Variants in RPS6KC1 observed in about 807,000 individuals in gnomAD.
The protein encoded by RPS6KC1 is inactive ribosomal protein S6 kinase delta-1.
In RPS6KC1, 54 loss-of-function variants were observed where a neutral mutation model predicts 103.8. That is an observed-to-expected ratio of 0.52 (90% CI 0.42 to 0.65). RPS6KC1 has a LOEUF of 0.65. Ranked by LOEUF, RPS6KC1 falls within the 30% of genes least tolerant of loss-of-function variation. The pLI, the probability that RPS6KC1 is intolerant of heterozygous loss-of-function variation, is 0.00. For synonymous variants in RPS6KC1, 439 were observed against 438.7 expected, an observed-to-expected ratio of 1.00 and a Z score of -0.01; for missense variants, 1,151 against 1,253.8, an observed-to-expected ratio of 0.92 and a Z score of 1.24.
chr1:213,255,811 G>C (rs1357655861), intron 12 of RPS6KC1, among the ~76,000 whole-genome samples: 14 of 152,164 alleles, frequency 9.2e-5, no homozygotes, highest in Admixed American at 7.9e-4. Context: ...TAATATTTAA[G>C]CTTCCTAGCT....
chr1:213,816,384 G>A, the RPS6KC1 span, among the ~76,000 whole-genome samples: 5,800 of 152,280 alleles, frequency 0.038, 134 homozygotes, highest in Non-Finnish European at 0.056. Context: ...CTGCTCTTCA[G>A]GGGCATGGAT....
the RPS6KC1 span, among the ~76,000 whole-genome samples, chr1:213,824,657 A>G: frequency 6.6e-6 from 1 of 152,086 alleles, no homozygotes; most frequent in South Asian, 2.1e-4. Flanking sequence ...AAGTCTCATG[A>G]GATCTGATGG....
chr1:213,360,871 C>T, the RPS6KC1 span, among the ~76,000 whole-genome samples: 23 of 152,190 alleles, frequency 1.5e-4, no homozygotes, highest in African/African-American at 3.1e-4. Context: ...TGCAGAACAG[C>T]GAATATTGCT....
At chr1:213,345,330 T>C in the RPS6KC1 span, among the ~76,000 whole-genome samples, 2 of 152,232 alleles carry the variant, frequency 1.3e-5, no homozygotes, top group East Asian at 3.8e-4. Flanking sequence ...ATAATAATCA[T>C]AGATATTTCA....
At chr1:213,489,567 C>T in the RPS6KC1 span, among the ~76,000 whole-genome samples, 1 of 152,138 alleles carries the variant, frequency 6.6e-6, no homozygotes, top group Admixed American at 6.5e-5. Flanking sequence ...ACACACCATC[C>T]TCACTTTGGA....
intron 1 of RPS6KC1, among the ~76,000 whole-genome samples, chr1:213,051,896 T>G (rs533885016): frequency 2.6e-5 from 4 of 152,232 alleles, no homozygotes; most frequent in African/African-American, 9.6e-5. Context: ...GTTTGGCTTA[T>G]GTAATATAAG....
chr1:213,340,480 G>A, the RPS6KC1 span, among the ~76,000 whole-genome samples: 23 of 152,268 alleles, frequency 1.5e-4, no homozygotes, highest in Non-Finnish European at 2.5e-4. Context: ...GCGTAAAGAT[G>A]CAATGTAATT....
the RPS6KC1 span, among the ~76,000 whole-genome samples, chr1:213,542,351 G>C: frequency 6.6e-6 from 1 of 152,316 alleles, no homozygotes; most frequent in African/African-American, 2.4e-5. Context: ...TACATGTCCT[G>C]CAGGGAGCAG....
chr1:213,117,942 A>C (rs1228921363), intron 5 of RPS6KC1, among the ~76,000 whole-genome samples: 2 of 144,638 alleles, frequency 1.4e-5, no homozygotes, highest in East Asian at 4.1e-4. Context: ...GAATCGCTTG[A>C]ACCTGGGAGG....
chr1:213,338,485 C>G, the RPS6KC1 span, among the ~76,000 whole-genome samples: 9 of 152,208 alleles, frequency 5.9e-5, no homozygotes, highest in Non-Finnish European at 1.2e-4. Context: ...ATGTATTAAA[C>G]TTCTGTTGGA....
At chr1:213,086,920 A>T (rs1174249869) in intron 3 of RPS6KC1, among the ~76,000 whole-genome samples, 1 of 152,150 alleles carries the variant, frequency 6.6e-6, no homozygotes, top group African/African-American at 2.4e-5. Flanking sequence ...GTTCAATTAT[A>T]TATTTAGTTC....
At chr1:213,489,407 G>A in the RPS6KC1 span, among the ~76,000 whole-genome samples, 1 of 152,162 alleles carries the variant, frequency 6.6e-6, no homozygotes, top group Non-Finnish European at 1.5e-5. Flanking sequence ...TAACGCTTAG[G>A]AATCATGCAA....
the RPS6KC1 span, among the ~76,000 whole-genome samples, chr1:213,765,646 G>A: frequency 6.6e-6 from 1 of 152,046 alleles, no homozygotes; most frequent in South Asian, 2.1e-4. Flanking sequence ...ATAAACGTCA[G>A]GCACATAAGG....
chr1:213,536,918 A>G, the RPS6KC1 span, among the ~76,000 whole-genome samples: 1 of 152,086 alleles, frequency 6.6e-6, no homozygotes, highest in South Asian at 2.1e-4. Flanking sequence ...CAGGAGAACC[A>G]CCTGATATAC....
At chr1:213,728,432 A>G in the RPS6KC1 span, among the ~76,000 whole-genome samples, 2 of 152,174 alleles carry the variant, frequency 1.3e-5, no homozygotes, top group African/African-American at 4.8e-5. Context: ...CATGGTGATA[A>G]AAATCGAAGT....
intron 4 of RPS6KC1, among the ~76,000 whole-genome samples, chr1:213,108,643 T>G (rs906157209): frequency 6.6e-6 from 1 of 151,542 alleles, no homozygotes; most frequent in African/African-American, 2.4e-5. Context: ...ATTATTTTAT[T>G]ATTTTACTTC....
rs74436328 is a variant in RPS6KC1, at chr1:213,057,598, A to G, written c.105+6089A>G. Among the ~76,000 whole-genome samples, 468 of 151,896 alleles carry G rather than the reference A, an allele frequency of 3.1e-3. 2 individuals carry two copies. Among genetic ancestry groups the G allele is most frequent in the African/African-American group, 9.9e-3 (410 of 41,424 alleles). ...ATATAGTATTTAGCCTTTTAGACTGATAATTTGCCTATTTTTTTCTTTGGG... is the reference window on the plus strand; with the variant it reads ...ATATAGTATTTAGCCTTTTAGACTGGTAATTTGCCTATTTTTTTCTTTGGG... On this transcript the variant is annotated intron_variant, in intron 1 of 14. Transcript: ENST00000366960.
chr1:213,515,952 TGTAA>T, the RPS6KC1 span, among the ~76,000 whole-genome samples: 84,763 of 149,664 alleles, frequency 0.57, 25,893 homozygotes, highest in Non-Finnish European at 0.69. Flanking sequence ...TCACATCCCT[TGTAA>T]GTTGGATTCC....
intron 4 of RPS6KC1, among the ~76,000 whole-genome samples, chr1:213,109,499 T>G (rs1337980389): frequency 6.6e-6 from 1 of 152,228 alleles, no homozygotes; most frequent in African/African-American, 2.4e-5. Flanking sequence ...CTGGAGCTTC[T>G]TGCCTTAAAT....
Sources: allele counts gnomAD v4.1 joint callset (sites outside exome capture counted in the v4.1 genomes callset), GRCh38; gene constraint gnomAD v4.1.1; transcripts MANE v1.5; gene names NCBI Gene and HGNC (gene_info 2026-07-23, HGNC 2026-07-21).